INSYN2A: variants seen among roughly 807,000 people sequenced by gnomAD.
The protein encoded by INSYN2A is inhibitory synaptic factor 2A.
Under a neutral mutation model 39.4 loss-of-function variants are expected in INSYN2A, and 17 were observed. That is an observed-to-expected ratio of 0.43 (90% CI 0.30 to 0.65). The LOEUF is 0.65. INSYN2A is among the 30% of genes least tolerant of loss of function. INSYN2A has a pLI of 0.14. For missense variants in INSYN2A, 595 were observed against 631.2 expected, an observed-to-expected ratio of 0.94 and a Z score of 0.61; for synonymous variants, 255 against 265.7, an observed-to-expected ratio of 0.96 and a Z score of 0.39.
chr10:127,195,710 C>T (rs965007040), intron 1 of INSYN2A, among the ~76,000 whole-genome samples: 23 of 152,340 alleles, frequency 1.5e-4, no homozygotes, highest in African/African-American at 5.5e-4. Context: ...AGAGGCGCAG[C>T]CCCGCTCCTC....
intron 5 of INSYN2A, among the ~76,000 whole-genome samples, chr10:127,149,338 C>T (rs1043979941): frequency 6.6e-6 from 1 of 152,174 alleles, no homozygotes; most frequent in Non-Finnish European, 1.5e-5. Flanking sequence ...TCTCACCTTT[C>T]GCTTGTCGTA....
At chr10:127,146,807 G>A (rs1367243900) in intron 5 of INSYN2A, among the ~76,000 whole-genome samples, 3 of 152,220 alleles carry the variant, frequency 2.0e-5, no homozygotes, top group Admixed American at 6.5e-5. Flanking sequence ...TCCACTCCAA[G>A]TGGGCTCCGG....
rs796390829 is a variant in INSYN2A, at chr10:127,152,288, G to C, written c.1256+1564C>G. Among the ~76,000 whole-genome samples, 19 of 152,326 alleles carry C rather than the reference G, an allele frequency of 1.2e-4. 1 individual carries two copies. Among genetic ancestry groups the C allele is most frequent in the African/African-American group, 4.1e-4 (17 of 41,582 alleles). On this transcript the variant is annotated intron_variant, in intron 5 of 5. Transcript: ENST00000522781. The stretch of plus-strand genomic sequence containing the variant: ...GTTGATTCAAAATTCTCTTTTGCAA[G>C]ATGAGTGGAGTGAAAAGTTTCCCAT...
intron 5 of INSYN2A, among the ~76,000 whole-genome samples, chr10:127,148,305 G>A (rs1175737189): frequency 5.9e-5 from 9 of 152,202 alleles, no homozygotes; most frequent in Non-Finnish European, 1.2e-4. Context: ...TGCTCCGGGA[G>A]GATGTGGTCA....
intron 2 of INSYN2A, among the ~76,000 whole-genome samples, chr10:127,178,892 G>A (rs555162269): frequency 7.9e-5 from 12 of 152,286 alleles, no homozygotes; most frequent in African/African-American, 2.9e-4. Flanking sequence ...ACAGCTTGGT[G>A]TGGGGGACAG....
In INSYN2A at chr10:127,181,507, C is replaced by T. The variant is rs187351480; in HGVS notation, c.-268-4368G>A. Among the ~76,000 whole-genome samples, 705 of 152,250 alleles carry T rather than the reference C, an allele frequency of 4.6e-3. 8 individuals carry two copies. Among genetic ancestry groups the T allele is most frequent in the Non-Finnish European group, 6.0e-3 (405 of 68,034 alleles). ...ACACCTCCCAGGGCCCAGCAGTCTC[C>T]GCATATAGTAAGATAGCTAGGCAAG... On this transcript the variant is annotated intron_variant, in intron 2 of 5. Transcript: ENST00000522781.
At chr10:127,174,195 T>C (rs1219897609) in intron 4 of INSYN2A, among the ~76,000 whole-genome samples, 1 of 152,222 alleles carries the variant, frequency 6.6e-6, no homozygotes, top group African/African-American at 2.4e-5. Flanking sequence ...AACCCAGGGC[T>C]CAGGGCTCGC....
Position 127,152,512 on chromosome 10 carries a change from G to T in INSYN2A, c.1256+1340C>A, listed in dbSNP as rs527902060. 4.6e-5 allele frequency among the ~76,000 whole-genome samples: 7 copies of T among 152,330 alleles called. No individual in the cohort carries two copies. In the South Asian group the frequency reaches 1.5e-3, roughly 32 times the overall value. On this transcript the variant is annotated intron_variant, in intron 5 of 5. Coordinates refer to ENST00000522781, the MANE Select transcript of INSYN2A (RefSeq NM_001039762.3). ...CTGCCAGGAGGCCTTACCAGCTTGTGTGTGCCTCTTACAACACTCTAAGGT... is the reference window on the plus strand; with the variant it reads ...CTGCCAGGAGGCCTTACCAGCTTGTTTGTGCCTCTTACAACACTCTAAGGT...
chr10:127,186,240 A>G (rs1465824238), intron 2 of INSYN2A, among the ~76,000 whole-genome samples: 1 of 152,200 alleles, frequency 6.6e-6, no homozygotes, highest in East Asian at 1.9e-4. Context: ...TATAAAGGAC[A>G]GGTGTTTAAC....
chr10:127,175,082 G>A lies in INSYN2A; in HGVS notation c.1184+130C>T, dbSNP rs2054960323. The A allele has an allele frequency of 6.4e-6, 5 of 777,414 alleles. No individual in the cohort carries two copies. The highest frequency in any genetic ancestry group is 2.5e-5 in the East Asian group (1 of 40,498). The allele number at this position is 777,414 out of a possible 1,614,324, so 48.2% of individuals were successfully genotyped here. A position where few individuals can be genotyped will look rare whatever the true frequency, so the allele number is the denominator to read the frequency against. On this transcript the variant is annotated intron_variant, in intron 4 of 5. Coordinates refer to ENST00000522781, the MANE Select transcript of INSYN2A (RefSeq NM_001039762.3). The surrounding 1 kb of genome is among the most constrained non-coding windows in gnomAD (Gnocchi z 6.3). ...TCTGCGACCCCTTGGAGCTCGCCAC[G>A]CCCTTAGACTATGACCTGTTTACGG...
At position 127,150,787 on chromosome 10, in the gene INSYN2A, G is replaced by A. The variant is rs536374114; in HGVS notation, c.1256+3065C>T. ...TATTCAATGAAAAAGGTAGAGACAG[G>A]TCAAGTATGGATTCAGAAGGATTCT... On this transcript the variant is annotated intron_variant, in intron 5 of 5. Coordinates refer to ENST00000522781, the MANE Select transcript of INSYN2A (RefSeq NM_001039762.3). Among the ~76,000 whole-genome samples the A allele has an allele frequency of 7.2e-5, 11 of 152,260 alleles. 1 individual carries two copies. The South Asian group carries it at 2.3e-3, about 32-fold the overall frequency.
chr10:127,175,746 G>T lies in INSYN2A; in HGVS notation c.650C>A (p.Ser217Tyr), dbSNP rs780028933. ...GAGCAGCTGGTAATCGGGCTCTTCG[G>T]ATGGAGGCCGAGTGGAGTTTTGGAG... ...AALQNSTRPPSEEPDYQLLGR... is the reference protein window; with the variant it reads ...AALQNSTRPPYEEPDYQLLGR... The change falls in exon 4 of 6, where the codon TCC becomes TAC. Residue 217 changes from serine (S) to tyrosine (Y), a missense_variant. Physicochemically the swap from Ser to Tyr is moderately radical, Grantham distance 144 (BLOSUM62 -2). Coordinates refer to ENST00000522781, the MANE Select transcript of INSYN2A (RefSeq NM_001039762.3). The surrounding 1 kb of genome is among the most constrained non-coding windows in gnomAD (Gnocchi z 6.3). 6.2e-7 allele frequency: 1 copy of T among 1,614,118 alleles called. No individual in the cohort carries two copies.
chr10:127,177,942 G>A (rs1399814003), intron 2 of INSYN2A, among the ~76,000 whole-genome samples: 1 of 152,210 alleles, frequency 6.6e-6, no homozygotes, highest in East Asian at 1.9e-4. Context: ...AGCGCAGGCA[G>A]GAGCAGGACC....
intron 4 of INSYN2A, among the ~76,000 whole-genome samples, chr10:127,161,776 C>G (rs945899544): frequency 2.4e-4 from 36 of 152,136 alleles, no homozygotes; most frequent in Non-Finnish European, 4.7e-4. Flanking sequence ...TCATGGCAGG[C>G]TAATCTTTCT....
At chr10:127,146,786 G>A (rs969645134) in intron 5 of INSYN2A, among the ~76,000 whole-genome samples, 2 of 152,336 alleles carry the variant, frequency 1.3e-5, no homozygotes, top group South Asian at 4.2e-4. Context: ...AATGACAAAG[G>A]CTGCAGAGAC....
intron 4 of INSYN2A, among the ~76,000 whole-genome samples, chr10:127,165,862 C>T (rs1173001617): frequency 2.0e-5 from 3 of 152,108 alleles, no homozygotes; most frequent in Admixed American, 2.0e-4. Context: ...CTTCCCAATA[C>T]ACTTTATTTA....
chr10:127,139,931 A>G lies in INSYN2A; in HGVS notation c.1257-1911T>C, dbSNP rs999675333. On this transcript the variant is annotated intron_variant, in intron 5 of 5. Coordinates refer to ENST00000522781, the MANE Select transcript of INSYN2A (RefSeq NM_001039762.3). ...TGGAAACAAGAGCTAAGTAATAAAG[A>G]TATCTATTAGGGATCTCTTCAACTT... Among the ~76,000 whole-genome samples the G allele has an allele frequency of 2.0e-5, 3 of 152,190 alleles. No homozygotes were observed. In the South Asian group the frequency reaches 6.2e-4, roughly 32 times the overall value.
At chr10:127,150,129 G>A (rs903564310) in intron 5 of INSYN2A, among the ~76,000 whole-genome samples, 8 of 152,170 alleles carry the variant, frequency 5.3e-5, no homozygotes, top group African/African-American at 1.9e-4. Flanking sequence ...GGCTCACTTG[G>A]AGTCTATACT....
chr10:127,150,143 G>A (rs1055138450), intron 5 of INSYN2A, among the ~76,000 whole-genome samples: 4 of 152,182 alleles, frequency 2.6e-5, no homozygotes, highest in African/African-American at 7.2e-5. Context: ...CTATACTTCC[G>A]AGATGCTGTG....
Sources: allele counts gnomAD v4.1 joint callset (sites outside exome capture counted in the v4.1 genomes callset), GRCh38; gene constraint gnomAD v4.1.1; non-coding constraint Gnocchi (gnomAD v3.1); transcripts MANE v1.5; gene names NCBI Gene and HGNC (gene_info 2026-07-23, HGNC 2026-07-21).